Variants in COL18A1 observed in about 807,000 individuals in gnomAD.
COL18A1 encodes collagen type XVIII alpha 1 chain, also known as collagen alpha-1(XVIII) chain.
Under a neutral mutation model 168.0 loss-of-function variants are expected in COL18A1, and 133 were observed. The observed-to-expected ratio is 0.79, with a 90% CI of 0.69 to 0.91. COL18A1 has a LOEUF of 0.91. Ranked by LOEUF, COL18A1 falls within the 40% of genes least tolerant of loss-of-function variation. COL18A1 has a pLI of 0.00. For synonymous variants in COL18A1, 949 were observed against 809.0 expected (o/e 1.17, Z -2.94); for missense variants, 2,126 against 1,925.4 (o/e 1.10, Z -1.95).
rs375007034 is a variant in COL18A1 at position 45,482,340 on chromosome 21, C to T, written c.1674+315C>T. 1.1e-3 allele frequency: 729 copies of T among 683,202 alleles called. 3 individuals are homozygous for T. In the African/African-American group the frequency reaches 0.011, roughly 10 times the overall value. The allele number at this position is 683,202 out of a possible 1,614,324, so 42.3% of individuals were successfully genotyped here. ...TGGCCATGAGCCTCTGTCGGACTGA[C>T]GCAAGGAGCCGGGGCCCCAGGCGTT... is the stretch of plus-strand genomic sequence containing the variant. On this transcript the variant is annotated intron_variant, in intron 14 of 41. Transcript: ENST00000651438.
intron 4 of COL18A1, among the ~76,000 whole-genome samples, chr21:45,474,523 GTGTCTGCA>G (rs1171361162): frequency 3.3e-5 from 5 of 151,800 alleles, no homozygotes; most frequent in East Asian, 3.9e-4. Flanking sequence ...CTTGTGTGTT[GTGTCTGCA>G]TGTCTGCATG....
intron 3 of COL18A1, 36 bp downstream of exon 3, chr21:45,468,822 C>A: frequency 1.3e-6 from 2 of 1,490,772 alleles, no homozygotes; most frequent in Non-Finnish European, 1.8e-6. Context: ...GGGACTGGAG[C>A]AGCTGGGATG....
At chr21:45,496,106 C>CTATG in intron 29 of COL18A1, 1 of 390,022 alleles carries the variant, frequency 2.6e-6, no homozygotes, top group Non-Finnish European at 4.9e-6. Flanking sequence ...TCCATGCCCT[C>CTATG]CATGCCCTCC....
intron 2 of COL18A1, among the ~76,000 whole-genome samples, chr21:45,441,898 C>T (rs961334889): frequency 2.0e-5 from 3 of 152,220 alleles, no homozygotes; most frequent in South Asian, 2.1e-4. Flanking sequence ...CACGGGAGGC[C>T]GCCCTCAGCA....
At chr21:45,431,117 C>A (rs374515745) in intron 2 of COL18A1, among the ~76,000 whole-genome samples, 26 of 152,274 alleles carry the variant, frequency 1.7e-4, no homozygotes, top group African/African-American at 5.8e-4. Flanking sequence ...GAGGAGGTCG[C>A]ATTCCATTCA....
In COL18A1 at chr21:45,468,376, C is replaced by T. The variant is rs76658745; in HGVS notation, c.241C>T (p.Arg81Trp). 3,112 of 1,613,832 alleles carry T rather than the reference C, an allele frequency of 1.9e-3. 58 individuals are homozygous for T. In the African/African-American group the frequency reaches 0.036, roughly 19 times the overall value. The change falls in exon 3 of 42, where the codon CGG becomes TGG. Residue 81 changes from arginine (R) to tryptophan (W), a missense_variant. Physicochemically the swap from Arg to Trp is moderately radical, Grantham distance 101 (BLOSUM62 -3). Coordinates refer to ENST00000651438, the MANE Select transcript of COL18A1 (RefSeq NM_001379500.1). ...AGATGCCAACAGTGGCCAAGTGGCC[C>T]GGTACCACTTCCCCAGCCTCTTCTT... The part of the protein sequence containing the change: ...GPDANSGQVA[R>W]YHFPSLFFRD...
intron 2 of COL18A1, among the ~76,000 whole-genome samples, chr21:45,464,906 C>T (rs536426303): frequency 2.0e-5 from 3 of 152,284 alleles, no homozygotes; most frequent in East Asian, 1.9e-4. Flanking sequence ...GCTGTTGTGC[C>T]GTGGACATCC....
chr21:45,478,019 G>A, intron 8 of COL18A1, 54 bp downstream of exon 8: 1 of 998,756 alleles, frequency 1.0e-6, no homozygotes, highest in Non-Finnish European at 1.5e-6. Context: ...GGGGGCTTGG[G>A]TAGGAGGGGG....
At chr21:45,427,847 C>T (rs1271058260) in intron 2 of COL18A1, among the ~76,000 whole-genome samples, 5 of 152,146 alleles carry the variant, frequency 3.3e-5, no homozygotes, top group African/African-American at 4.8e-5. Flanking sequence ...GGGAATGCGC[C>T]GGCAACTGGC....
In COL18A1 at chr21:45,511,220, C is replaced by T. The variant is rs543837165; in HGVS notation, c.3803C>T (p.Pro1268Leu). 9.6e-6 allele frequency: 15 copies of T among 1,565,370 alleles called. No homozygotes were observed. Among genetic ancestry groups the T allele is most frequent in the African/African-American group, 1.4e-5 (1 of 73,954 alleles). ...GACGGCAAGGACGTCCTGAGGCACC[C>T]CACCTGGTAGGTTCCCAGTGCCGTG... ...SFDGKDVLRH[P>L]TWPQKSVWHG... is the part of the protein sequence containing the mutation. The change falls in exon 41 of 42, where the codon CCC becomes CTC. Residue 1268 changes from proline to leucine, a missense_variant. By Grantham distance (98) the Pro-to-Leu change is moderately conservative (BLOSUM62 -3). Coordinates refer to ENST00000651438, the MANE Select transcript of COL18A1 (RefSeq NM_001379500.1).
At chr21:45,485,705 G>A (rs2036085041) in intron 15 of COL18A1, among the ~76,000 whole-genome samples, 1 of 152,194 alleles carries the variant, frequency 6.6e-6, no homozygotes, top group African/African-American at 2.4e-5. Flanking sequence ...GGAGACAGGA[G>A]GCAGTCGAGG....
rs769138452 is a variant in COL18A1, at chr21:45,505,944, A to C, written c.3194A>C (p.Gln1065Pro). ...CAGGAGGAGCTCTACGTCCGCGTGC[A>C]GAACGGGTTCCGGAAGGTCCAGGTG... is the stretch of plus-strand genomic sequence containing the variant. ...AEQEELYVRVQNGFRKVQLEA... is the reference protein window; with the variant it reads ...AEQEELYVRVPNGFRKVQLEA... The change falls in exon 37 of 42, where the codon CAG becomes CCG. Residue 1065 changes from glutamine to proline, a missense_variant. Physicochemically the swap from Gln to Pro is moderately conservative, Grantham distance 76 (BLOSUM62 -1). Transcript: ENST00000651438. 6.2e-7 allele frequency: 1 copy of C among 1,613,270 alleles called. No individual in the cohort carries two copies. The highest frequency in any genetic ancestry group is 1.3e-5 in the African/African-American group (1 of 75,060).
At chr21:45,447,643 A>G (rs1445313407) in intron 2 of COL18A1, among the ~76,000 whole-genome samples, 8 of 152,144 alleles carry the variant, frequency 5.3e-5, no homozygotes, top group African/African-American at 7.2e-5. Context: ...AGTGACCCCA[A>G]TACTTAAATT....
Position 45,497,953 on chromosome 21 carries a change from C to A in COL18A1, c.2683+292C>A, listed in dbSNP as rs568084119. On this transcript the variant is annotated intron_variant, in intron 32 of 41. Transcript: ENST00000651438. ...CCCAGGTGGGCACTGCGCAGAGACA[C>A]AGCAGCTTCAGTGTCCTGAGATGCC... 142 of 603,926 alleles carry A rather than the reference C, an allele frequency of 2.4e-4. 1 individual carries two copies. The highest frequency in any genetic ancestry group is 2.2e-3 in the Middle Eastern group (5 of 2,282). The allele number at this position is 603,926 out of a possible 1,614,324, so 37.4% of individuals were successfully genotyped here. A position where few individuals can be genotyped will look rare whatever the true frequency, so the allele number is the denominator to read the frequency against.
intron 2 of COL18A1, among the ~76,000 whole-genome samples, chr21:45,421,995 A>G (rs574880374): frequency 3.3e-5 from 5 of 151,990 alleles, no homozygotes; most frequent in South Asian, 2.1e-4. Context: ...ACACAGACAC[A>G]CGCTCGGGCC....
chr21:45,482,080 C>A (rs1050929823), intron 14 of COL18A1, 55 bp downstream of exon 14: 1 of 1,440,756 alleles, frequency 6.9e-7, no homozygotes. Flanking sequence ...ACCATGTGGC[C>A]CGGGTCCGGG....
chr21:45,489,956 G>C (rs10154212), intron 19 of COL18A1, among the ~76,000 whole-genome samples: 1 of 26,280 alleles, frequency 3.8e-5, no homozygotes, highest in Admixed American at 4.2e-4. Flanking sequence ...ACTTCCCCCT[G>C]CCCCACACCT....
At chr21:45,465,463 C>T (rs999913312) in intron 2 of COL18A1, among the ~76,000 whole-genome samples, 8 of 152,304 alleles carry the variant, frequency 5.3e-5, no homozygotes, top group Middle Eastern at 3.4e-3. Context: ...GATGTCCCCC[C>T]GGGCACTTCA....
chr21:45,482,949 C>A, intron 15 of COL18A1, 128 bp downstream of exon 15: 2 of 1,333,618 alleles, frequency 1.5e-6, no homozygotes, highest in Non-Finnish European at 1.1e-6. Flanking sequence ...TTGACCCCCA[C>A]TCCTGCCATC....
Sources: allele counts gnomAD v4.1 joint callset (sites outside exome capture counted in the v4.1 genomes callset), GRCh38; gene constraint gnomAD v4.1.1; transcripts MANE v1.5; gene names NCBI Gene and HGNC (gene_info 2026-07-23, HGNC 2026-07-21).